NELL2: variants seen among roughly 807,000 people sequenced by gnomAD.
The protein encoded by NELL2 is neural EGFL like 2, also known as protein kinase C-binding protein NELL2.
A neutral mutation model predicts 109.6 loss-of-function variants in NELL2; 41 were observed. The ratio of observed to expected loss-of-function variants is 0.37; its 90% confidence interval spans 0.29 to 0.49. NELL2 has a LOEUF of 0.49. NELL2 is among the 20% of genes least tolerant of loss of function. The pLI is 0.98. For missense variants in NELL2, 900 were observed against 1,008.3 expected (o/e 0.89, Z 1.45); for synonymous variants, 355 against 344.7 (o/e 1.03, Z -0.33).
At chr12:44,572,704 C>T (rs1229586709) in intron 15 of NELL2, among the ~76,000 whole-genome samples, 1 of 152,066 alleles carries the variant, frequency 6.6e-6, no homozygotes, top group African/African-American at 2.4e-5. Context: ...GTAGAATGAA[C>T]AACAGCACAT....
At chr12:44,509,081 T>A in intron 19 of NELL2, 97 bp from the exon 20 acceptor site, 1 of 1,022,728 alleles carries the variant, frequency 9.8e-7, no homozygotes, top group Non-Finnish European at 1.5e-6. Context: ...CAAAACTGTA[T>A]AATTTATTTC....
chr12:44,840,711 G>A (rs76003879), intron 2 of NELL2, among the ~76,000 whole-genome samples: 1 of 151,808 alleles, frequency 6.6e-6, no homozygotes, highest in Non-Finnish European at 1.5e-5. Flanking sequence ...AGAAACATAG[G>A]CATTTCCTAA....
intron 9 of NELL2, among the ~76,000 whole-genome samples, chr12:44,765,264 C>T (rs1452134854): frequency 1.3e-5 from 2 of 152,190 alleles, no homozygotes; most frequent in Admixed American, 1.3e-4. Flanking sequence ...TCCTGGGTTA[C>T]TGAGTTTGTT....
chr12:44,913,939 GC>G (rs2136895399), upstream of NELL2: 1 of 381,354 alleles, frequency 2.6e-6, no homozygotes, highest in South Asian at 3.7e-5. Flanking sequence ...GATTGCTCAG[GC>G]CAAAAACCTT....
intron 3 of NELL2, among the ~76,000 whole-genome samples, chr12:44,791,121 G>GTATATATA (rs1188393357): frequency 1.7e-4 from 4 of 24,210 alleles, no homozygotes; most frequent in African/African-American, 3.5e-4. Context: ...ATATATATAT[G>GTATATATA]TATATATATA....
intron 12 of NELL2, among the ~76,000 whole-genome samples, chr12:44,699,663 A>C (rs1293554648): frequency 6.6e-6 from 1 of 152,024 alleles, no homozygotes; most frequent in Non-Finnish European, 1.5e-5. Flanking sequence ...GGCTTGTATC[A>C]CCAACTTTGT....
intron 13 of NELL2, among the ~76,000 whole-genome samples, chr12:44,623,087 T>C (rs1481612674): frequency 1.3e-5 from 2 of 152,152 alleles, no homozygotes; most frequent in Non-Finnish European, 2.9e-5. Flanking sequence ...ATGTTATAAA[T>C]ACGTGTTAAG....
At chr12:44,888,956 C>T (rs1313275857) in intron 1 of NELL2, among the ~76,000 whole-genome samples, 3 of 151,884 alleles carry the variant, frequency 2.0e-5, no homozygotes, top group Admixed American at 6.6e-5. Context: ...AGTCCCTGTC[C>T]CTGCTTTCCT....
At chr12:44,636,530 A>G (rs1041540002) in intron 13 of NELL2, among the ~76,000 whole-genome samples, 7 of 152,142 alleles carry the variant, frequency 4.6e-5, no homozygotes, top group South Asian at 2.1e-4. Flanking sequence ...TTCTGCATCT[A>G]TTAAGATAAT....
rs555870276 is a variant in NELL2 at position 44,890,286 on chromosome 12, C to A, written c.39-14386G>T. 8.5e-5 allele frequency among the ~76,000 whole-genome samples: 13 copies of A among 152,304 alleles called. No individual in the cohort carries two copies. In the South Asian group the frequency reaches 2.7e-3, roughly 32 times the overall value. On this transcript the variant is annotated intron_variant, in intron 1 of 20. Coordinates refer to the NELL2 transcript ENST00000333837. ...AGGTCATCCTTATCCTTTCCCTATA[C>A]AGGCTGACTCTTAGTATTCACAGCG...
intron 9 of NELL2, among the ~76,000 whole-genome samples, chr12:44,727,191 T>A (rs1461777345): frequency 6.6e-6 from 1 of 152,112 alleles, no homozygotes; most frequent in Non-Finnish European, 1.5e-5. Context: ...ATAGGGAAAT[T>A]GTTGAAAATA....
At chr12:44,521,354 C>A (rs981296086) in intron 18 of NELL2, among the ~76,000 whole-genome samples, 1 of 151,826 alleles carries the variant, frequency 6.6e-6, no homozygotes, top group South Asian at 2.1e-4. Context: ...AACGGTGAAA[C>A]CCCGTCTCTA....
At chr12:44,670,753 A>G (rs1346676001) in intron 12 of NELL2, among the ~76,000 whole-genome samples, 1 of 151,930 alleles carries the variant, frequency 6.6e-6, no homozygotes, top group Non-Finnish European at 1.5e-5. Context: ...GGAAGATACA[A>G]CAATTGTAAT....
At chr12:44,774,872 A>G (rs1941690515) in intron 8 of NELL2, 23 bp from the exon 9 acceptor site, 5 of 1,547,272 alleles carry the variant, frequency 3.2e-6, no homozygotes, top group Non-Finnish European at 3.6e-6. Flanking sequence ...CAATATTTAA[A>G]GAATTTCCAT....
At chr12:44,763,437 A>G (rs1941205377) in intron 9 of NELL2, among the ~76,000 whole-genome samples, 2 of 152,192 alleles carry the variant, frequency 1.3e-5, no homozygotes, top group African/African-American at 4.8e-5. Flanking sequence ...CCTCTTTCTC[A>G]AAGCATAATA....
intron 3 of NELL2, among the ~76,000 whole-genome samples, chr12:44,806,296 A>G (rs565985545): frequency 7.2e-5 from 11 of 152,022 alleles, no homozygotes; most frequent in African/African-American, 2.4e-4. Flanking sequence ...AACCTCATCA[A>G]CAAAGTGTTA....
chr12:44,850,676 A>G (rs556739366), intron 2 of NELL2, among the ~76,000 whole-genome samples: 1 of 152,314 alleles, frequency 6.6e-6, no homozygotes, highest in Admixed American at 6.5e-5. Flanking sequence ...TTATGAAACT[A>G]AAGCACCTCA....
At chr12:44,767,511 T>A (rs1236537259) in intron 9 of NELL2, among the ~76,000 whole-genome samples, 1 of 149,792 alleles carries the variant, frequency 6.7e-6, no homozygotes. Flanking sequence ...ACCCAGCAAC[T>A]CCACCCTTAG....
intron 13 of NELL2, among the ~76,000 whole-genome samples, chr12:44,658,081 T>C (rs925123150): frequency 6.6e-6 from 1 of 152,206 alleles, no homozygotes; most frequent in Non-Finnish European, 1.5e-5. Flanking sequence ...GTTGAACTAA[T>C]TTACACTCCC....
Sources: allele counts gnomAD v4.1 joint callset (sites outside exome capture counted in the v4.1 genomes callset), GRCh38; gene constraint gnomAD v4.1.1; transcripts MANE v1.5; gene names NCBI Gene and HGNC (gene_info 2026-07-23, HGNC 2026-07-21).